MYO3A: variants seen among roughly 807,000 people sequenced by gnomAD.
MYO3A encodes myosin-IIIa.
MYO3A carries 180 observed loss-of-function variants against 192.7 expected under a neutral mutation model. The observed-to-expected ratio is 0.93, with a 90% CI of 0.83 to 1.06. MYO3A has a LOEUF of 1.06. Among genes scored for constraint, MYO3A ranks in the 50% least tolerant of loss-of-function variants. MYO3A has a pLI of 0.00. For synonymous variants in MYO3A, 628 were observed against 645.3 expected (o/e 0.97, Z 0.41); for missense variants, 1,896 against 1,905.0 (o/e 1.00, Z 0.09).
At chr10:26,125,946 A>G (rs1839194660) in intron 19 of MYO3A, among the ~76,000 whole-genome samples, 1 of 152,198 alleles carries the variant, frequency 6.6e-6, no homozygotes, top group Non-Finnish European at 1.5e-5. Context: ...TTATGCTTGT[A>G]TAAAATGTCA....
intron 10 of MYO3A, among the ~76,000 whole-genome samples, chr10:26,031,091 C>T (rs1215014189): frequency 1.3e-5 from 2 of 152,170 alleles, no homozygotes; most frequent in African/African-American, 4.8e-5. Flanking sequence ...TATTTTTAAA[C>T]AGTTGACTAT....
chr10:26,065,585 CAAAAAAAAAAAAAAAAA>C (rs33982842), intron 10 of MYO3A, among the ~76,000 whole-genome samples: 1 of 23,244 alleles, frequency 4.3e-5, no homozygotes. Context: ...ACTCCATCTC[CAAAAAAAAAAAAAAAAA>C]AAAAAAAAAA....
chr10:26,046,758 A>G (rs543617313), intron 10 of MYO3A, among the ~76,000 whole-genome samples: 8 of 152,268 alleles, frequency 5.3e-5, no homozygotes, highest in South Asian at 2.1e-4. Flanking sequence ...TTGCATTCAC[A>G]TATAAATACA....
chr10:26,012,650 G>A (rs1841740092), intron 6 of MYO3A, among the ~76,000 whole-genome samples: 1 of 151,136 alleles, frequency 6.6e-6, no homozygotes, highest in African/African-American at 2.4e-5. Context: ...AATATTGTGA[G>A]AATGACCATA....
At chr10:26,180,613 G>T (rs978437963) in intron 31 of MYO3A, among the ~76,000 whole-genome samples, 2 of 151,906 alleles carry the variant, frequency 1.3e-5, no homozygotes, top group African/African-American at 4.8e-5. Flanking sequence ...TGCAATGATT[G>T]ATGCTAGGAA....
At chr10:26,090,480 G>A (rs1159247109) in intron 15 of MYO3A, among the ~76,000 whole-genome samples, 1 of 152,096 alleles carries the variant, frequency 6.6e-6, no homozygotes, top group African/African-American at 2.4e-5. Flanking sequence ...TGCTTATTGG[G>A]GAAAAGCATT....
At chr10:25,981,918 T>A (rs1417582729) in intron 4 of MYO3A, among the ~76,000 whole-genome samples, 1 of 152,222 alleles carries the variant, frequency 6.6e-6, no homozygotes, top group Non-Finnish European at 1.5e-5. Context: ...CTGGATCACC[T>A]CTTCAGGTTC....
intron 4 of MYO3A, among the ~76,000 whole-genome samples, chr10:25,970,502 C>T (rs1205469357): frequency 1.3e-5 from 2 of 151,698 alleles, no homozygotes; most frequent in Admixed American, 1.3e-4. Context: ...GATTTAATAT[C>T]GGTTATATAG....
At chr10:26,150,029 C>CGTGT (rs35589117) in intron 23 of MYO3A, among the ~76,000 whole-genome samples, 62,713 of 149,332 alleles carry the variant, frequency 0.42, 13,714 homozygotes, top group East Asian at 0.59. Context: ...GAATAGTATT[C>CGTGT]GTGTGTGTGT....
intron 20 of MYO3A, among the ~76,000 whole-genome samples, chr10:26,135,521 G>A (rs1184588993): frequency 1.3e-5 from 2 of 152,104 alleles, no homozygotes; most frequent in Non-Finnish European, 2.9e-5. Flanking sequence ...GGCAGCAGAG[G>A]CTGGCAAGGG....
intron 10 of MYO3A, among the ~76,000 whole-genome samples, chr10:26,056,069 T>C (rs1241017307): frequency 1.3e-5 from 2 of 152,204 alleles, no homozygotes; most frequent in African/African-American, 4.8e-5. Flanking sequence ...AGTCCACAGT[T>C]AATATGATAA....
intron 10 of MYO3A, among the ~76,000 whole-genome samples, chr10:26,045,222 T>A (rs1237335034): frequency 6.6e-6 from 1 of 152,190 alleles, no homozygotes; most frequent in Non-Finnish European, 1.5e-5. Flanking sequence ...GAAGCAGACT[T>A]GTCCATGAGC....
At position 26,026,386 on chromosome 10, in the gene MYO3A, TAA is replaced by T. The variant is rs2131116101; in HGVS notation, c.809_810del (p.Lys270ArgfsTer3). ...FNDFISKCLT[K>X]DYEKRPTVSE... ...TTTTTTGCCAGTGCAGGTGCTTGAC[TAA>T]AGATTATGAAAAGCGTCCAACAGTG... is the stretch of plus-strand genomic sequence containing the variant. On this transcript the variant is annotated frameshift_variant, in exon 10 of 35. Coordinates refer to ENST00000642920, the MANE Select transcript of MYO3A (RefSeq NM_017433.5). LOFTEE classifies it high-confidence loss of function. 1 of 1,614,134 alleles carries T rather than the reference TAA, an allele frequency of 6.2e-7. No homozygotes were observed. The highest frequency in any genetic ancestry group is 8.5e-7 in the Non-Finnish European group (1 of 1,180,000).
At chr10:26,210,025 C>T (rs961343380) in intron 34 of MYO3A, among the ~76,000 whole-genome samples, 14 of 147,154 alleles carry the variant, frequency 9.5e-5, no homozygotes, top group African/African-American at 3.2e-4. Flanking sequence ...ATCAGTTGAG[C>T]TTTGGAGGTT....
intron 10 of MYO3A, among the ~76,000 whole-genome samples, chr10:26,031,571 G>C (rs78675078): frequency 6.0e-4 from 91 of 152,306 alleles, no homozygotes; most frequent in African/African-American, 2.1e-3. Context: ...AGTCCTACCT[G>C]CTAACCATTT....
chr10:25,952,543 A>G (rs999925235), intron 3 of MYO3A, among the ~76,000 whole-genome samples: 1 of 152,134 alleles, frequency 6.6e-6, no homozygotes, highest in Non-Finnish European at 1.5e-5. Flanking sequence ...ATTAAAGTTG[A>G]CTGAATGTTA....
intron 18 of MYO3A, among the ~76,000 whole-genome samples, chr10:26,122,792 T>C (rs775258503): frequency 4.6e-5 from 7 of 152,212 alleles, no homozygotes; most frequent in Non-Finnish European, 8.8e-5. Flanking sequence ...TGGATAAAGA[T>C]AATCAAGACT....
At chr10:26,006,974 A>G (rs1273381544) in intron 6 of MYO3A, among the ~76,000 whole-genome samples, 2 of 147,574 alleles carry the variant, frequency 1.4e-5, no homozygotes, top group Admixed American at 1.3e-4. Context: ...TTGATGCAAA[A>G]ATCCTCAATA....
intron 20 of MYO3A, among the ~76,000 whole-genome samples, chr10:26,140,394 A>G (rs1840079583): frequency 6.6e-6 from 1 of 152,124 alleles, no homozygotes; most frequent in Non-Finnish European, 1.5e-5. Context: ...AATGAAAAAC[A>G]AGGGAGAGGC....
Sources: allele counts gnomAD v4.1 joint callset (sites outside exome capture counted in the v4.1 genomes callset), GRCh38; gene constraint gnomAD v4.1.1; transcripts MANE v1.5; gene names NCBI Gene and HGNC (gene_info 2026-07-23, HGNC 2026-07-21).